Variants in SNTB2 observed in about 807,000 individuals in gnomAD.
SNTB2 encodes syntrophin beta 2.
A neutral mutation model predicts 46.2 loss-of-function variants in SNTB2; 34 were observed. The observed-to-expected ratio is 0.74, with a 90% confidence interval of 0.56 to 0.98. The LOEUF (loss-of-function observed/expected upper bound fraction) is 0.98, where lower values mean the gene tolerates loss of function less well. SNTB2 is among the 50% of genes least tolerant of loss of function. SNTB2 has a pLI of 0.00. For missense variants in SNTB2, 603 were observed against 731.4 expected (o/e 0.82, Z 2.02); for synonymous variants, 290 against 312.6 (o/e 0.93, Z 0.76).
intron 1 of SNTB2, among the ~76,000 whole-genome samples, chr16:69,211,752 G>T (rs1473850193): frequency 6.6e-6 from 1 of 152,120 alleles, no homozygotes; most frequent in Non-Finnish European, 1.5e-5. Flanking sequence ...GACTCCCTTA[G>T]CAAACACCTT....
intron 1 of SNTB2, among the ~76,000 whole-genome samples, chr16:69,198,398 C>T (rs1964126718): frequency 6.6e-6 from 1 of 152,160 alleles, no homozygotes; most frequent in Admixed American, 6.5e-5. Context: ...TGTGAGTCCT[C>T]ATGCCTGGCC....
chr16:69,212,910 G>A (rs923315529), intron 1 of SNTB2, among the ~76,000 whole-genome samples: 18 of 152,254 alleles, frequency 1.2e-4, no homozygotes, highest in African/African-American at 3.9e-4. Flanking sequence ...TGGGATTACA[G>A]GCGTGAGCCA....
chr16:69,234,995 G>T (rs185113813), intron 1 of SNTB2, among the ~76,000 whole-genome samples: 2 of 152,036 alleles, frequency 1.3e-5, no homozygotes, highest in Non-Finnish European at 2.9e-5. Context: ...GAGCCACTGC[G>T]CCCGGCTCTC....
chr16:69,233,372 A>G (rs922905883), intron 1 of SNTB2, among the ~76,000 whole-genome samples: 6 of 152,186 alleles, frequency 3.9e-5, no homozygotes, highest in Non-Finnish European at 7.3e-5. Context: ...ATTAAGAGAC[A>G]TGGATTTCCT....
intron 1 of SNTB2, among the ~76,000 whole-genome samples, chr16:69,215,256 A>G (rs1016890051): frequency 2.0e-5 from 3 of 152,118 alleles, no homozygotes; most frequent in Non-Finnish European, 4.4e-5. Flanking sequence ...GTGGTGATGC[A>G]TGCCTGTTGT....
chr16:69,256,583 G>A (rs1453683417), intron 2 of SNTB2, among the ~76,000 whole-genome samples: 2 of 152,056 alleles, frequency 1.3e-5, no homozygotes, highest in Admixed American at 6.6e-5. Context: ...TTCTTCTTTC[G>A]TGACTGGCTT....
At chr16:69,285,184 T>C (rs1361782422) in intron 5 of SNTB2, among the ~76,000 whole-genome samples, 1 of 152,186 alleles carries the variant, frequency 6.6e-6, no homozygotes, top group Non-Finnish European at 1.5e-5. Flanking sequence ...AGTAAAACTA[T>C]TATTTGTGCC....
At chr16:69,224,612 C>T (rs1171520873) in intron 1 of SNTB2, among the ~76,000 whole-genome samples, 1 of 152,140 alleles carries the variant, frequency 6.6e-6, no homozygotes, top group African/African-American at 2.4e-5. Context: ...TGGATCTTGC[C>T]TGCAACAATG....
At chr16:69,280,620 G>A (rs979672721) in intron 4 of SNTB2, among the ~76,000 whole-genome samples, 14 of 138,448 alleles carry the variant, frequency 1.0e-4, no homozygotes, top group South Asian at 4.7e-4. Flanking sequence ...CGGACGGGGC[G>A]GCTGGCCGGG....
At chr16:69,286,115 G>A (rs1291100775) in intron 5 of SNTB2, among the ~76,000 whole-genome samples, 1 of 151,512 alleles carries the variant, frequency 6.6e-6, no homozygotes, top group African/African-American at 2.4e-5. Flanking sequence ...CTGGTCTTCG[G>A]TTTATTTATT....
At chr16:69,232,502 CTTTTTTTTTTTT>C (rs1032986410) in intron 1 of SNTB2, among the ~76,000 whole-genome samples, 653 of 63,866 alleles carry the variant, frequency 0.01, 3 homozygotes, top group Non-Finnish European at 0.016. Context: ...ACGGTGCGGC[CTTTTTTTTTTTT>C]TTTTTTTTTT....
intron 5 of SNTB2, among the ~76,000 whole-genome samples, chr16:69,290,550 T>C (rs546012216): frequency 2.6e-5 from 4 of 152,076 alleles, no homozygotes; most frequent in Non-Finnish European, 5.9e-5. Flanking sequence ...GTGACCATAT[T>C]ATTCACCATT....
chr16:69,278,572 C>T (rs1242822755), intron 4 of SNTB2, among the ~76,000 whole-genome samples: 1 of 151,832 alleles, frequency 6.6e-6, no homozygotes, highest in Non-Finnish European at 1.5e-5. Context: ...TCTCCTGCCT[C>T]AGCCTCCCGA....
Position 69,298,776 on chromosome 16 carries a change from C to T in SNTB2, c.1346-814C>T, listed in dbSNP as rs1965251347. Among the ~76,000 whole-genome samples, 3 of 152,100 alleles carry T rather than the reference C, an allele frequency of 2.0e-5. No homozygotes were observed. The South Asian group carries it at 6.2e-4, about 32-fold the overall frequency. On this transcript the variant is annotated intron_variant, in intron 5 of 6. Transcript: ENST00000336278. ...ACCTCAAGTGATCCGCCCACCTCGACCTCCCAAAGTGCTGGGATTACAGGT... is the reference window on the plus strand; with the variant it reads ...ACCTCAAGTGATCCGCCCACCTCGATCTCCCAAAGTGCTGGGATTACAGGT...
rs767190113 is a variant in SNTB2, at chr16:69,187,349, C to T, written c.183C>T (p.Pro61=). 355 of 1,416,660 alleles carry T rather than the reference C, an allele frequency of 2.5e-4. No homozygotes were observed. Among genetic ancestry groups the T allele is most frequent in the Non-Finnish European group, 3.1e-4 (341 of 1,084,894 alleles). The allele number at this position is 1,416,660 out of a possible 1,614,324, so 87.8% of individuals were successfully genotyped here. ...ACGCCGCCGCGGCCGAGCTGGAGCC[C>T]GCTCTGGGACCCGCGGCCGCCGCCT... ...TGDAAAAELE[P]ALGPAAAAFN... Residue 61 remains proline, a synonymous_variant, in exon 1 of 7, where the codon CCC becomes CCT. Transcript: ENST00000336278.
intron 1 of SNTB2, among the ~76,000 whole-genome samples, chr16:69,204,099 G>C (rs1434207134): frequency 6.6e-6 from 1 of 152,098 alleles, no homozygotes; most frequent in East Asian, 1.9e-4. Context: ...CACCATGTTG[G>C]CCAGGCTGGT....
At chr16:69,224,491 G>A (rs1964439883) in intron 1 of SNTB2, among the ~76,000 whole-genome samples, 1 of 152,332 alleles carries the variant, frequency 6.6e-6, no homozygotes, top group East Asian at 1.9e-4. Flanking sequence ...GATTACAGGC[G>A]TGAGCCACTG....
intron 2 of SNTB2, among the ~76,000 whole-genome samples, chr16:69,250,731 C>G (rs1158956903): frequency 1.3e-5 from 2 of 151,720 alleles, no homozygotes; most frequent in Non-Finnish European, 2.9e-5. Context: ...AAAAAATTGC[C>G]CAGGCATGGT....
intron 1 of SNTB2, among the ~76,000 whole-genome samples, chr16:69,238,833 G>A (rs1244724382): frequency 6.6e-6 from 1 of 152,028 alleles, no homozygotes; most frequent in Non-Finnish European, 1.5e-5. Flanking sequence ...CTGTTAACCT[G>A]CCAGCTGGTC....
Sources: allele counts gnomAD v4.1 joint callset (sites outside exome capture counted in the v4.1 genomes callset), GRCh38; gene constraint gnomAD v4.1.1; transcripts MANE v1.5; gene names NCBI Gene and HGNC (gene_info 2026-07-23, HGNC 2026-07-21).